Variants in HOOK2 observed in about 807,000 individuals in gnomAD.
HOOK2 encodes the protein hook microtubule tethering protein 2.
In HOOK2, 108 loss-of-function variants were observed where a neutral mutation model predicts 111.9. The ratio of observed to expected loss-of-function variants is 0.96; its 90% CI spans 0.83 to 1.13. The LOEUF (loss-of-function observed/expected upper bound fraction) is 1.13, where lower values mean the gene tolerates loss of function less well. Among genes scored for constraint, HOOK2 ranks in the 50% most tolerant of loss-of-function variants. The pLI is 0.00. For synonymous variants in HOOK2, 405 were observed against 394.3 expected (o/e 1.03, Z -0.32); for missense variants, 978 against 951.3 (o/e 1.03, Z -0.37).
intron 20 of HOOK2, chr19:12,764,525 T>G: frequency 5.5e-6 from 2 of 360,812 alleles, no homozygotes; most frequent in Non-Finnish European, 1.0e-5. Context: ...AGATGGGGTT[T>G]CACCATGTTG....
At chr19:12,781,904 A>G (rs1196625983), upstream of HOOK2, among the ~76,000 whole-genome samples, 3 of 152,040 alleles carry the variant, frequency 2.0e-5, no homozygotes, top group African/African-American at 7.2e-5. Flanking sequence ...CAGTGGCACA[A>G]TCGCTGCTCA....
chr19:12,771,353 G>C (rs1458404317), intron 8 of HOOK2, 34 bp from the exon 9 acceptor site: 3 of 1,607,826 alleles, frequency 1.9e-6, no homozygotes, highest in Non-Finnish European at 1.7e-6. Context: ...GCTTGGGCTT[G>C]GAGAGGGGCT....
At chr19:12,775,558 G>GCCGCCCCGCC (rs1489016307), upstream of HOOK2, 11 of 1,140,714 alleles carry the variant, frequency 9.6e-6, no homozygotes, top group South Asian at 2.1e-5. Flanking sequence ...GGCCTAGAGC[G>GCCGCCCCGCC]CCGCCCCGCC....
upstream of HOOK2, among the ~76,000 whole-genome samples, chr19:12,782,379 G>A (rs984833083): frequency 2.6e-5 from 4 of 152,260 alleles, no homozygotes; most frequent in African/African-American, 7.2e-5. Context: ...GTGACACTGT[G>A]GGTCGGGGAG....
intron 1 of HOOK2, 117 bp from the exon 2 acceptor site, chr19:12,775,014 C>T (rs1434150352): frequency 6.0e-6 from 7 of 1,163,944 alleles, no homozygotes; most frequent in Non-Finnish European, 8.6e-6. Context: ...CGCTGCTCCG[C>T]CACAGCAGCT....
Position 12,765,848 on chromosome 19 carries a change from C to T in HOOK2, c.1600-14G>A, listed in dbSNP as rs982752373. ...ACTTACAATGGCCTGTATGGGGCAT[C>T]GGGCAGCATGGGAGAGAGAGGAGGG... On this transcript the variant is annotated splice_polypyrimidine_tract_variant and intron_variant, in intron 16 of 22. Coordinates refer to ENST00000397668, the MANE Select transcript of HOOK2 (RefSeq NM_013312.3). 3 of 1,610,232 alleles carry T rather than the reference C, an allele frequency of 1.9e-6. No homozygotes were observed. In the African/African-American group the frequency reaches 4.0e-5, roughly 22 times the overall value.
At chr19:12,788,277 C>T (rs566486472) in intron 3 of HOOK2, among the ~76,000 whole-genome samples, 1 of 152,156 alleles carries the variant, frequency 6.6e-6, no homozygotes, top group South Asian at 2.1e-4. Flanking sequence ...AGTTTCTCAT[C>T]TGTTACATGG....
intron 3 of HOOK2, 187 bp from the exon 4 acceptor site, chr19:12,773,231 CTTTTTTTTTT>C (rs373156108): frequency 3.7e-3 from 946 of 254,636 alleles, no homozygotes; most frequent in Middle Eastern, 4.2e-3. Context: ...ATCTTTGTTT[CTTTTTTTTTT>C]TTTTTTTTTT....
chr19:12,779,852 G>A (rs1040287236), upstream of HOOK2, among the ~76,000 whole-genome samples: 5 of 152,152 alleles, frequency 3.3e-5, no homozygotes, highest in Non-Finnish European at 7.4e-5. Flanking sequence ...ATCCTTGTCC[G>A]TAACATCCAG....
At position 12,765,996 on chromosome 19, in the gene HOOK2, T is replaced by C. The variant is rs755271014; in HGVS notation, c.1530A>G (p.Leu510=). 20 of 1,613,922 alleles carry C rather than the reference T, an allele frequency of 1.2e-5. No homozygotes were observed. Among genetic ancestry groups the C allele is most frequent in the South Asian group, 2.2e-5 (2 of 91,082 alleles). Residue 510 remains leucine (L), a synonymous_variant, in exon 16 of 23, where the codon CTA becomes CTG. Coordinates refer to ENST00000397668, the MANE Select transcript of HOOK2 (RefSeq NM_013312.3). The part of the protein sequence containing the change: ...ETQHRLNQQQ[L]SELRAQVEDL... ...CCTCCACCTGGGCCCGCAGCTCGGATAGCTGCTGCTGGTTCAGCCTGCGAG... is the reference window on the plus strand; with the variant it reads ...CCTCCACCTGGGCCCGCAGCTCGGACAGCTGCTGCTGGTTCAGCCTGCGAG...
At chr19:12,776,497 T>G (rs1470188514), upstream of HOOK2, among the ~76,000 whole-genome samples, 1 of 148,652 alleles carries the variant, frequency 6.7e-6, no homozygotes, top group Non-Finnish European at 1.5e-5. Context: ...CTGGCCAACA[T>G]GGTGAAACCC....
chr19:12,770,339 G>A (rs946670754), intron 10 of HOOK2, among the ~76,000 whole-genome samples: 7 of 152,044 alleles, frequency 4.6e-5, no homozygotes, highest in African/African-American at 1.7e-4. Flanking sequence ...TGGGGTTATA[G>A]GGGGAGTGAT....
chr19:12,770,117 G>A (rs762675505), intron 10 of HOOK2, 35 bp from the exon 11 acceptor site: 5 of 1,451,100 alleles, frequency 3.4e-6, no homozygotes, highest in Admixed American at 4.8e-5. Flanking sequence ...AGGGCTGAGA[G>A]CTCTGATCAG....
upstream of HOOK2, among the ~76,000 whole-genome samples, chr19:12,780,738 G>C (rs1968592770): frequency 8.4e-6 from 1 of 119,474 alleles, no homozygotes; most frequent in African/African-American, 3.2e-5. Context: ...CAGCACTTTG[G>C]AAGGCCGAGG....
In HOOK2 at chr19:12,786,390, AAGG is replaced by A. The variant is rs1009115707; in HGVS notation, n.42-12168_42-12166del. 5.3e-5 allele frequency among the ~76,000 whole-genome samples: 8 copies of A among 152,020 alleles called. No individual in the cohort carries two copies. The highest frequency in any genetic ancestry group is 1.4e-4 in the African/African-American group (6 of 41,442). On this transcript the variant is annotated intron_variant and non_coding_transcript_variant, in intron 3 of 3. Transcript: ENST00000589765. The surrounding 1 kb of genome is among the most constrained non-coding windows in gnomAD (Gnocchi z 4.3). ...GGGGGGTCACCGGGCTATTTATAAG[AAGG>A]AGAAGTCCCTCGTGCCAAGACCAAA... is the stretch of plus-strand genomic sequence containing the variant.
Position 12,772,669 on chromosome 19 carries a change from T to C in HOOK2, c.400A>G (p.Arg134Gly). The C allele has an allele frequency of 6.2e-7, 1 of 1,614,198 alleles. No homozygotes were observed. Among genetic ancestry groups the C allele is most frequent in the Non-Finnish European group, 8.5e-7 (1 of 1,180,012 alleles). The change falls in exon 6 of 23, where the codon AGA becomes GGA. Residue 134 changes from arginine to glycine, a missense_variant. By Grantham distance (125) the Arg-to-Gly change is moderately radical. Around this residue, in one of 5 missense-constraint regions of HOOK2, gnomAD observed 301 missense variants for 286.1 expected, o/e 1.05. Transcript: ENST00000397668. Reference protein sequence around the residue: ...SCEKKQDHIQRIMTLEESVQH... With the variant: ...SCEKKQDHIQGIMTLEESVQH... ...ACCGATTCTTCCAGCGTCATGATTC[T>C]CTGGATGTGGTCTGGGGATCAAGGT... is the stretch of plus-strand genomic sequence containing the variant.
chr19:12,777,128 G>A (rs574589952), upstream of HOOK2, among the ~76,000 whole-genome samples: 1 of 151,594 alleles, frequency 6.6e-6, no homozygotes, highest in East Asian at 1.9e-4. Context: ...CTGCACTCCA[G>A]CCTGGGCGAC....
At position 12,792,168 on chromosome 19, in the gene HOOK2, G is replaced by A. The variant is rs901459201; in HGVS notation, n.42-17943C>T. 2 of 1,592,130 alleles carry A rather than the reference G, an allele frequency of 1.3e-6. No homozygotes were observed. On this transcript the variant is annotated intron_variant and non_coding_transcript_variant, in intron 3 of 3. Coordinates refer to the HOOK2 transcript ENST00000589765. ...AGGGGGCGGCGTCACCGAGGAGCAG[G>A]AGGGCTTCGCCGACGGCTTTGTCAA...
chr19:12,771,803 AC>A (rs1203718869), intron 7 of HOOK2: 2 of 353,406 alleles, frequency 5.7e-6, no homozygotes, highest in African/African-American at 4.3e-5. Context: ...AATCGCTTGA[AC>A]CCGGGAGGCG....
Sources: gnomAD v4.1 joint callset for allele counts (sites outside exome capture counted in the v4.1 genomes callset) on GRCh38, gnomAD v4.1.1 for gene constraint, gnomAD v4.1.1 regional missense constraint, Gnocchi (gnomAD v3.1) non-coding constraint, MANE v1.5 for transcripts, NCBI Gene and HGNC (gene_info 2026-07-23, HGNC 2026-07-21) for gene names.